SLC6A11: variants seen among roughly 807,000 people sequenced by gnomAD.
SLC6A11 encodes sodium- and chloride-dependent GABA transporter 3.
Under a neutral mutation model 74.8 loss-of-function variants are expected in SLC6A11, and 25 were observed. That is an observed-to-expected ratio of 0.33 (90% CI 0.24 to 0.47). The LOEUF (loss-of-function observed/expected upper bound fraction) is 0.47. SLC6A11 is among the 20% of genes least tolerant of loss of function. The probability of loss-of-function intolerance (pLI) is 1.00; values close to 1 mark genes in which losing one functional copy is unlikely to be tolerated. For missense variants in SLC6A11, 574 were observed against 837.0 expected, an observed-to-expected ratio of 0.69 and a Z score of 3.88; for synonymous variants, 330 against 330.2, an observed-to-expected ratio of 1.00 and a Z score of 0.01.
At chr3:10,907,688 C>T (rs148060519) in intron 6 of SLC6A11, among the ~76,000 whole-genome samples, 1 of 152,320 alleles carries the variant, frequency 6.6e-6, no homozygotes, top group East Asian at 1.9e-4. Flanking sequence ...TCTACCACAG[C>T]ACTTTGTGCC....
intron 6 of SLC6A11, among the ~76,000 whole-genome samples, chr3:10,900,238 G>C (rs766106424): frequency 3.9e-5 from 6 of 152,212 alleles, no homozygotes; most frequent in African/African-American, 7.2e-5. Context: ...TCTCAGTCCA[G>C]TAAGTTCTCC....
intron 10 of SLC6A11, among the ~76,000 whole-genome samples, chr3:10,929,687 C>G (rs540557574): frequency 6.6e-6 from 1 of 152,286 alleles, no homozygotes; most frequent in East Asian, 1.9e-4. Flanking sequence ...GCTACTGGCC[C>G]CTACAGCATT....
At chr3:10,829,358 T>A (rs1292868409) in intron 4 of SLC6A11, among the ~76,000 whole-genome samples, 1 of 151,996 alleles carries the variant, frequency 6.6e-6, no homozygotes, top group Non-Finnish European at 1.5e-5. Flanking sequence ...AGGTACAGAG[T>A]CATGGTTGGG....
chr3:10,925,936 G>A, intron 8 of SLC6A11, 68 bp from the exon 9 acceptor site: 1 of 872,904 alleles, frequency 1.1e-6, no homozygotes, highest in South Asian at 1.5e-5. Flanking sequence ...GTAAATGCTG[G>A]ATTAAAATAG....
At chr3:10,854,707 T>C (rs1158160203) in intron 5 of SLC6A11, among the ~76,000 whole-genome samples, 3 of 152,222 alleles carry the variant, frequency 2.0e-5, no homozygotes, top group African/African-American at 7.2e-5. Context: ...TGCAGATCTG[T>C]CTGGTTCCAG....
chr3:10,905,062 C>T (rs968349902), intron 6 of SLC6A11, among the ~76,000 whole-genome samples: 19 of 152,218 alleles, frequency 1.2e-4, no homozygotes, highest in Non-Finnish European at 2.8e-4. Flanking sequence ...TTTTACTAGA[C>T]TTTCTTTCCC....
intron 5 of SLC6A11, among the ~76,000 whole-genome samples, chr3:10,863,369 C>G (rs893536833): frequency 3.0e-4 from 45 of 152,318 alleles, no homozygotes; most frequent in African/African-American, 9.6e-4. Flanking sequence ...GAACTATGGT[C>G]TATGATTCAC....
At chr3:10,817,060 T>A (rs2106567967) in intron 1 of SLC6A11, among the ~76,000 whole-genome samples, 1 of 152,208 alleles carries the variant, frequency 6.6e-6, no homozygotes. Flanking sequence ...CGACCAAAAA[T>A]AAAGATGAGA....
At chr3:10,937,839 G>A (rs538256954) in intron 13 of SLC6A11, among the ~76,000 whole-genome samples, 1 of 152,280 alleles carries the variant, frequency 6.6e-6, no homozygotes, top group African/African-American at 2.4e-5. Context: ...TCCAGCAATT[G>A]TCCTGTAAAC....
In SLC6A11 at chr3:10,816,699, G is replaced by T. The variant is rs974351429; in HGVS notation, c.256+178G>T. On this transcript the variant is annotated intron_variant, in intron 1 of 13. Transcript: ENST00000254488. The surrounding 1 kb of genome is among the most constrained non-coding windows in gnomAD (Gnocchi z 4.2). ...CGGAGCGCGGCCCACCTGTGCCAGT[G>T]CGCACGCGCACGTGCCAATTCGCAC... Among the ~76,000 whole-genome samples, 1 of 152,216 alleles carries T rather than the reference G, an allele frequency of 6.6e-6. No homozygotes were observed. The highest frequency in any genetic ancestry group is 1.5e-5 in the Non-Finnish European group (1 of 68,038).
intron 4 of SLC6A11, among the ~76,000 whole-genome samples, chr3:10,827,862 C>G (rs73113876): frequency 0.021 from 3,273 of 152,282 alleles, 119 homozygotes; most frequent in African/African-American, 0.075. Flanking sequence ...CTTGAAGTGT[C>G]AATTCCCTTT....
intron 6 of SLC6A11, among the ~76,000 whole-genome samples, chr3:10,885,189 A>G (rs1338845356): frequency 6.6e-6 from 1 of 152,198 alleles, no homozygotes; most frequent in African/African-American, 2.4e-5. Context: ...ATGCATTTAT[A>G]TTATATATTT....
At chr3:10,898,364 A>G (rs1452742391) in intron 6 of SLC6A11, among the ~76,000 whole-genome samples, 1 of 152,220 alleles carries the variant, frequency 6.6e-6, no homozygotes, top group African/African-American at 2.4e-5. Context: ...ATCACAGGCT[A>G]CAGATTTTCC....
intron 8 of SLC6A11, among the ~76,000 whole-genome samples, chr3:10,924,817 C>A (rs1695581193): frequency 6.6e-6 from 1 of 152,206 alleles, no homozygotes; most frequent in African/African-American, 2.4e-5. Flanking sequence ...AATGACACAT[C>A]TTAAAAGACT....
Position 10,929,231 on chromosome 3 carries a change from C to G in SLC6A11, c.1263C>G (p.Ala421=). ...TGTGTGTGGAAAGCCTGGTGACCGC[C>G]GTGGTGGACATGTACCCCAAGGTTT... The part of the protein sequence containing the change: ...QFVCVESLVT[A]VVDMYPKVFR... The change falls in exon 10 of 14, where the codon GCC becomes GCG. Residue 421 remains alanine, a synonymous_variant. Coordinates refer to ENST00000254488, the MANE Select transcript of SLC6A11 (RefSeq NM_014229.3). 6 of 1,614,088 alleles carry G rather than the reference C, an allele frequency of 3.7e-6. No individual in the cohort carries two copies. The highest frequency in any genetic ancestry group is 5.1e-6 in the Non-Finnish European group (6 of 1,179,996).
At chr3:10,920,074 G>C (rs1213026646) in intron 8 of SLC6A11, among the ~76,000 whole-genome samples, 2 of 152,200 alleles carry the variant, frequency 1.3e-5, no homozygotes, top group Non-Finnish European at 2.9e-5. Flanking sequence ...GCTTCTGTGA[G>C]AATCCATGTC....
intron 12 of SLC6A11, 78 bp downstream of exon 12, chr3:10,934,244 C>T (rs1196694034): frequency 6.9e-6 from 7 of 1,010,282 alleles, no homozygotes; most frequent in Non-Finnish European, 1.1e-5. Context: ...ACTCCGTAGC[C>T]CCCACCCTGG....
chr3:10,848,034 G>A (rs1694526242), intron 5 of SLC6A11, among the ~76,000 whole-genome samples: 1 of 152,114 alleles, frequency 6.6e-6, no homozygotes, highest in Non-Finnish European at 1.5e-5. Flanking sequence ...GTTCCAGCTT[G>A]CTGCCCATAC....
At chr3:10,845,880 TCA>T (rs1406769775) in intron 5 of SLC6A11, among the ~76,000 whole-genome samples, 1 of 152,204 alleles carries the variant, frequency 6.6e-6, no homozygotes, top group African/African-American at 2.4e-5. Context: ...CAGACTCCAC[TCA>T]CAGTCTCCCA....
Sources: allele counts gnomAD v4.1 joint callset (sites outside exome capture counted in the v4.1 genomes callset), GRCh38; gene constraint gnomAD v4.1.1; non-coding constraint Gnocchi (gnomAD v3.1); transcripts MANE v1.5; gene names NCBI Gene and HGNC (gene_info 2026-07-23, HGNC 2026-07-21).